Variants in C10orf67 observed in about 807,000 individuals in gnomAD.
C10orf67 encodes uncharacterized protein C10orf67, mitochondrial.
A neutral mutation model predicts 35.6 loss-of-function variants in C10orf67; 60 were observed. That is an observed-to-expected ratio of 1.68 (90% CI 1.37 to 2.09). C10orf67 has a LOEUF of 2.09. C10orf67 is among the 30% of genes most tolerant of loss of function. The pLI is 0.00. For synonymous variants in C10orf67, 167 were observed against 115.8 expected (o/e 1.44, Z -2.84); for missense variants, 474 against 330.2 (o/e 1.44, Z -3.38).
At chr10:23,289,060 A>G (rs965397619) in intron 7 of C10orf67, among the ~76,000 whole-genome samples, 2 of 152,194 alleles carry the variant, frequency 1.3e-5, no homozygotes, top group Non-Finnish European at 2.9e-5. Context: ...AAATGAGAAC[A>G]GAGTAGGGAA....
intron 8 of C10orf67, among the ~76,000 whole-genome samples, chr10:23,272,349 T>C (rs953807717): frequency 6.6e-6 from 1 of 152,250 alleles, no homozygotes; most frequent in Non-Finnish European, 1.5e-5. Flanking sequence ...TCTGATCCAT[T>C]TCAAGTTAAC....
At chr10:23,234,094 C>G (rs1005614177) in intron 13 of C10orf67, among the ~76,000 whole-genome samples, 6 of 152,100 alleles carry the variant, frequency 3.9e-5, no homozygotes, top group Non-Finnish European at 8.8e-5. Context: ...ATTAGTTCCA[C>G]CACAGTGAAA....
chr10:23,310,874 A>G (rs1474956302), intron 4 of C10orf67, among the ~76,000 whole-genome samples: 1 of 152,186 alleles, frequency 6.6e-6, no homozygotes, highest in Non-Finnish European at 1.5e-5. Flanking sequence ...GATCTCTCTT[A>G]TATTTCCTGG....
rs1479409060 is a variant in C10orf67, at chr10:23,227,895, C to A, written c.1435-4077G>T. 1.1e-4 allele frequency among the ~76,000 whole-genome samples: 17 copies of A among 152,060 alleles called. 1 individual carries two copies. Among genetic ancestry groups the A allele is most frequent in the Admixed American group, 4.6e-4 (7 of 15,260 alleles). ...CCAACTTACAAGGGATGTGAAGGAC[C>A]TCTTCAAGGAGAACTACAAACCACT... is the stretch of plus-strand genomic sequence containing the variant. On this transcript the variant is annotated intron_variant, in intron 13 of 15. Coordinates refer to ENST00000636213, the MANE Select transcript of C10orf67 (RefSeq NM_001371909.1).
chr10:23,264,209 G>A (rs1222360925), intron 10 of C10orf67, among the ~76,000 whole-genome samples: 5 of 152,006 alleles, frequency 3.3e-5, no homozygotes, highest in African/African-American at 4.8e-5. Flanking sequence ...GTATATATAC[G>A]GTAAAGAATA....
chr10:23,344,398 G>C (rs961806695), intron 1 of C10orf67, 171 bp downstream of exon 1: 1 of 676,460 alleles, frequency 1.5e-6, no homozygotes, highest in Non-Finnish European at 2.5e-6. Flanking sequence ...ACCCCGCTGC[G>C]CTTTCACTGT....
intron 10 of C10orf67, among the ~76,000 whole-genome samples, chr10:23,263,511 A>G (rs891108049): frequency 2.6e-5 from 4 of 152,186 alleles, no homozygotes; most frequent in Non-Finnish European, 4.4e-5. Context: ...TAGAGTTTTT[A>G]TTGAAGTCTT....
chr10:23,322,257 T>C, intron 3 of C10orf67, 137 bp downstream of exon 3: 1 of 795,366 alleles, frequency 1.3e-6, no homozygotes, highest in African/African-American at 2.2e-5. Flanking sequence ...TGAAGCTCTG[T>C]GTATTAATTA....
At chr10:23,275,607 G>A (rs11814464) in intron 8 of C10orf67, among the ~76,000 whole-genome samples, 6 of 151,662 alleles carry the variant, frequency 4.0e-5, no homozygotes, top group South Asian at 2.1e-4. Flanking sequence ...ACATGCACAC[G>A]CACACACACA....
chr10:23,334,890 C>CA (rs1845615689), intron 1 of C10orf67, among the ~76,000 whole-genome samples: 1 of 151,990 alleles, frequency 6.6e-6, no homozygotes, highest in Non-Finnish European at 1.5e-5. Flanking sequence ...GATGAGCTTT[C>CA]AAAAAAGATG....
rs1348127769 is a variant in C10orf67, at chr10:23,215,222, G to A, written c.1570+8376C>T. On this transcript the variant is annotated intron_variant, in intron 15 of 15. Coordinates refer to ENST00000636213, the MANE Select transcript of C10orf67 (RefSeq NM_001371909.1). The stretch of plus-strand genomic sequence containing the variant: ...TATTAAAGAAACTAAATTTGTATTC[G>A]AAAATCTCTCTCACCTTCACAAAGG... Among the ~76,000 whole-genome samples, 4 of 151,474 alleles carry A rather than the reference G, an allele frequency of 2.6e-5. No homozygotes were observed. The East Asian group carries it at 5.8e-4, about 22-fold the overall frequency.
At chr10:23,219,251 C>G (rs1454720872) in intron 15 of C10orf67, among the ~76,000 whole-genome samples, 1 of 152,156 alleles carries the variant, frequency 6.6e-6, no homozygotes, top group African/African-American at 2.4e-5. Context: ...ATTTGGGTTT[C>G]TCCTGTGTTT....
intron 12 of C10orf67, among the ~76,000 whole-genome samples, chr10:23,250,252 T>C (rs1396210630): frequency 6.6e-6 from 1 of 152,200 alleles, no homozygotes; most frequent in African/African-American, 2.4e-5. Context: ...GAAACACAGA[T>C]AGGGAATGAA....
intron 13 of C10orf67, among the ~76,000 whole-genome samples, chr10:23,227,788 C>A (rs770989214): frequency 2.0e-5 from 3 of 152,120 alleles, no homozygotes; most frequent in Non-Finnish European, 4.4e-5. Context: ...TTCTTATACA[C>A]CAATAACAGA....
intron 15 of C10orf67, among the ~76,000 whole-genome samples, chr10:23,221,126 A>G (rs1554802892): frequency 1.3e-5 from 2 of 152,202 alleles, no homozygotes; most frequent in African/African-American, 2.4e-5. Context: ...TAATTGACTG[A>G]CAGTTTCACA....
At position 23,222,232 on chromosome 10, in the gene C10orf67, G is replaced by C. The variant is rs147118042; in HGVS notation, c.1570+1366C>G. On this transcript the variant is annotated intron_variant, in intron 15 of 15. Transcript: ENST00000636213. ...TCAGTGGGGCTGCCTTATGTGTCAT[G>C]TGGCCATCAAAATTTATTTGTGTTA... is the stretch of plus-strand genomic sequence containing the variant. Among the ~76,000 whole-genome samples, 310 of 152,274 alleles carry C rather than the reference G, an allele frequency of 2.0e-3. 1 individual carries two copies. The highest frequency in any genetic ancestry group is 3.4e-3 in the Non-Finnish European group (233 of 68,022).
chr10:23,325,683 A>T (rs5783836), intron 2 of C10orf67, among the ~76,000 whole-genome samples: 3 of 149,136 alleles, frequency 2.0e-5, no homozygotes, highest in East Asian at 1.9e-4. Context: ...TATATATATA[A>T]AAAAAAAAAA....
chr10:23,238,652 T>C (rs559452957), intron 13 of C10orf67, among the ~76,000 whole-genome samples: 10 of 152,340 alleles, frequency 6.6e-5, no homozygotes, highest in Non-Finnish European at 1.3e-4. Context: ...AAGCCTGATT[T>C]TGAGTGACAC....
At chr10:23,344,517 C>T (rs1282221307) in intron 1 of C10orf67, 52 bp downstream of exon 1, 5 of 1,508,612 alleles carry the variant, frequency 3.3e-6, no homozygotes, top group African/African-American at 2.8e-5. Flanking sequence ...TCCCGCCGTG[C>T]CCCTGGACCC....
Sources: gnomAD v4.1 joint callset for allele counts (sites outside exome capture counted in the v4.1 genomes callset) on GRCh38, gnomAD v4.1.1 for gene constraint, MANE v1.5 for transcripts, NCBI Gene and HGNC (gene_info 2026-07-23, HGNC 2026-07-21) for gene names.